FGD3: variants seen among roughly 807,000 people sequenced by gnomAD.
FGD3 encodes FYVE, RhoGEF and PH domain containing 3.
In FGD3, 45 loss-of-function variants were observed where a neutral mutation model predicts 71.8. That is an observed-to-expected ratio of 0.63 (90% CI 0.49 to 0.80). The LOEUF (loss-of-function observed/expected upper bound fraction) is 0.80. Ranked by LOEUF, FGD3 falls within the 30% of genes least tolerant of loss-of-function variation. The pLI is 0.00. For synonymous variants in FGD3, 378 were observed against 392.8 expected, an observed-to-expected ratio of 0.96 and a Z score of 0.44; for missense variants, 844 against 951.5, an observed-to-expected ratio of 0.89 and a Z score of 1.49.
At chr9:92,950,165 C>A (rs1858928230) in intron 1 of FGD3, among the ~76,000 whole-genome samples, 1 of 152,086 alleles carries the variant, frequency 6.6e-6, no homozygotes, top group South Asian at 2.1e-4. Context: ...CGCCTGTAAT[C>A]CCAGCACTTT....
intron 3 of FGD3, among the ~76,000 whole-genome samples, chr9:92,977,073 G>A (rs1247789788): frequency 1.3e-5 from 2 of 152,214 alleles, no homozygotes; most frequent in Non-Finnish European, 2.9e-5. Flanking sequence ...AAACTCCTGG[G>A]AGGAGACGAT....
intron 1 of FGD3, among the ~76,000 whole-genome samples, chr9:92,961,079 C>A (rs1171773161): frequency 6.6e-6 from 1 of 152,164 alleles, no homozygotes; most frequent in African/African-American, 2.4e-5. Context: ...TCCATCCTGG[C>A]CTCTGTGGTC....
At chr9:92,993,882 T>C (rs950146354) in intron 3 of FGD3, among the ~76,000 whole-genome samples, 7 of 152,214 alleles carry the variant, frequency 4.6e-5, no homozygotes, top group Non-Finnish European at 8.8e-5. Flanking sequence ...ACATTTGGGT[T>C]GGTTCCAAGT....
intron 3 of FGD3, among the ~76,000 whole-genome samples, chr9:93,001,576 C>T (rs538733997): frequency 2.0e-5 from 3 of 152,276 alleles, no homozygotes; most frequent in South Asian, 4.1e-4. Flanking sequence ...TCTCAGATTC[C>T]GTTGACCCAA....
intron 1 of FGD3, among the ~76,000 whole-genome samples, chr9:92,972,560 C>T (rs890687916): frequency 1.4e-5 from 2 of 148,088 alleles, no homozygotes; most frequent in Admixed American, 1.3e-4. Context: ...GATCTCTGTG[C>T]CTGAAGTTCT....
In FGD3 at chr9:93,010,253, A is replaced by G; in HGVS notation, c.845A>G (p.Glu282Gly). ...CTCCCTCTGTCCCCACAGAAGCAGG[A>G]GGTATGCGGGAACCTGACGCTGCAG... ...KDVVHSIQKQ[E>G]VCGNLTLQHH... Residue 282 changes from glutamate to glycine, a missense_variant, in exon 7 of 18, where the codon GAG (glutamate) becomes GGG (glycine). Coordinates refer to ENST00000375482, the MANE Select transcript of FGD3 (RefSeq NM_001083536.2). The G allele has an allele frequency of 6.2e-7, 1 of 1,608,446 alleles. No individual in the cohort carries two copies.
In FGD3 at chr9:93,019,733, A is replaced by T. The variant is rs193081035; in HGVS notation, c.1356-98A>T. ...AATCCTTGAGCTGCGTTGACAAGCC[A>T]GTGCGTGGCTCGGGTGTGCTGCAGG... On this transcript the variant is annotated intron_variant, in intron 11 of 17. Transcript: ENST00000375482. The T allele has an allele frequency of 1.3e-4, 150 of 1,145,800 alleles. 1 individual carries two copies. In the East Asian group the frequency reaches 1.9e-3, roughly 15 times the overall value. 71.0% of individuals were successfully genotyped at this position (1,145,800 alleles called of 1,614,324 possible).
intron 1 of FGD3, among the ~76,000 whole-genome samples, chr9:92,955,327 G>T (rs936693814): frequency 4.6e-5 from 7 of 151,978 alleles, no homozygotes; most frequent in Non-Finnish European, 1.0e-4. Context: ...CTGAGGTCAG[G>T]AGTTCGAGAC....
In FGD3 at chr9:93,016,856, C is replaced by T. The variant is rs145894578; in HGVS notation, c.1275+1027C>T. Among the ~76,000 whole-genome samples the T allele has an allele frequency of 6.2e-3, 940 of 152,176 alleles. 9 individuals are homozygous for T. The highest frequency in any genetic ancestry group is 0.021 in the African/African-American group (883 of 41,520). ...CAGGCTGGTCTCAAACTCCTGACCT[C>T]GTGATCCACCTGCCTCGGCCTCCCA... On this transcript the variant is annotated intron_variant, in intron 10 of 17. Coordinates refer to ENST00000375482, the MANE Select transcript of FGD3 (RefSeq NM_001083536.2).
At chr9:93,011,294 C>A (rs552333228) in intron 8 of FGD3, 22 bp downstream of exon 8, 1 of 1,613,988 alleles carries the variant, frequency 6.2e-7, no homozygotes, top group Non-Finnish European at 8.5e-7. Flanking sequence ...GCTCCAGTGG[C>A]GACCGGCAGG....
At chr9:93,030,265 C>G (rs1048651264) in intron 15 of FGD3, among the ~76,000 whole-genome samples, 24 of 152,332 alleles carry the variant, frequency 1.6e-4, no homozygotes, top group South Asian at 4.1e-4. Context: ...CAGAGAACCC[C>G]TAGCTGGGTG....
At chr9:92,965,244 C>T (rs755026007) in intron 1 of FGD3, among the ~76,000 whole-genome samples, 17 of 152,188 alleles carry the variant, frequency 1.1e-4, no homozygotes, top group Non-Finnish European at 2.1e-4. Context: ...CACTGTAGTT[C>T]GGGGCTGGAC....
rs944874079 is a variant in FGD3, at chr9:93,014,617, G to A, written c.1182+619G>A. On this transcript the variant is annotated intron_variant, in intron 9 of 17. Transcript: ENST00000375482. Reference sequence around the variant, plus strand: ...CTAATACAGTTGTGACCACAATCAAGTTACAGAACAAGTTTTTTTTGTTTG... The same window carrying A: ...CTAATACAGTTGTGACCACAATCAAATTACAGAACAAGTTTTTTTTGTTTG... 5.3e-5 allele frequency among the ~76,000 whole-genome samples: 8 copies of A among 151,988 alleles called. 1 individual carries two copies. Among genetic ancestry groups the A allele is most frequent in the Admixed American group, 5.2e-4 (8 of 15,256 alleles).
intron 9 of FGD3, 105 bp from the exon 10 acceptor site, chr9:93,015,632 A>G: frequency 1.4e-6 from 1 of 728,192 alleles, no homozygotes; most frequent in East Asian, 2.7e-5. Flanking sequence ...TTCACTTTAT[A>G]ACATTAAAAA....
intron 3 of FGD3, among the ~76,000 whole-genome samples, chr9:92,991,631 C>T (rs544745112): frequency 1.1e-4 from 16 of 152,160 alleles, no homozygotes; most frequent in Admixed American, 2.0e-4. Context: ...ATTCTGCAGC[C>T]GTTGGGTGAA....
intron 14 of FGD3, among the ~76,000 whole-genome samples, chr9:93,027,546 G>T (rs1040633430): frequency 2.0e-5 from 3 of 151,836 alleles, no homozygotes; most frequent in African/African-American, 7.3e-5. Flanking sequence ...TAAAGGCCCT[G>T]TCTCCAAATA....
intron 3 of FGD3, among the ~76,000 whole-genome samples, chr9:92,983,856 A>G (rs1441010495): frequency 6.6e-6 from 1 of 152,216 alleles, no homozygotes; most frequent in East Asian, 1.9e-4. Context: ...CTAGGCAAAA[A>G]TATCCACATT....
chr9:93,015,758 T>C lies in FGD3; in HGVS notation c.1204T>C (p.Cys402Arg), dbSNP rs772799038. Residue 402 changes from cysteine to arginine, a missense_variant, in exon 10 of 18, where the codon TGT (cysteine) becomes CGT (arginine). By Grantham distance (180) the Cys-to-Arg change is radical. Coordinates refer to ENST00000375482, the MANE Select transcript of FGD3 (RefSeq NM_001083536.2). ...LFLFNSMILY[C>R]VPKLRLMGQK... ...GCAGTTCAACAGCATGATCCTTTAC[T>C]GTGTGCCCAAGCTGCGGCTCATGGG... The C allele has an allele frequency of 2.5e-6, 4 of 1,614,084 alleles. No individual in the cohort carries two copies. The highest frequency in any genetic ancestry group is 3.4e-6 in the Non-Finnish European group (4 of 1,180,038).
chr9:92,963,652 A>C (rs1325052153), intron 1 of FGD3, among the ~76,000 whole-genome samples: 1 of 152,200 alleles, frequency 6.6e-6, no homozygotes, highest in Non-Finnish European at 1.5e-5. Flanking sequence ...AAGCATTATT[A>C]AAATTGAGTC....
Sources: allele counts gnomAD v4.1 joint callset (sites outside exome capture counted in the v4.1 genomes callset), GRCh38; gene constraint gnomAD v4.1.1; transcripts MANE v1.5; gene names NCBI Gene and HGNC (gene_info 2026-07-23, HGNC 2026-07-21).